COL14A1: variants seen among roughly 807,000 people sequenced by gnomAD.
COL14A1 encodes the protein collagen type XIV alpha 1 chain, also known as collagen alpha-1(XIV) chain.
COL14A1 carries 136 observed loss-of-function variants against 230.3 expected under a neutral mutation model. That is an observed-to-expected ratio of 0.59 (90% CI 0.51 to 0.68). The LOEUF is 0.68. Among genes scored for constraint, COL14A1 ranks in the 30% least tolerant of loss-of-function variants. The probability of loss-of-function intolerance (pLI) is 0.00; values close to 1 mark genes in which losing one functional copy is unlikely to be tolerated. For missense variants in COL14A1, 1,976 were observed against 2,215.8 expected (o/e 0.89, Z 2.17); for synonymous variants, 792 against 784.1 (o/e 1.01, Z -0.17).
intron 15 of COL14A1, 34 bp downstream of exon 15, chr8:120,225,248 A>G (rs1215432939): frequency 6.2e-7 from 1 of 1,602,968 alleles, no homozygotes; most frequent in Non-Finnish European, 8.5e-7. Context: ...AAAAGTTTTG[A>G]GAGTAGCTAT....
chr8:120,225,106 A>G lies in COL14A1; in HGVS notation c.1756A>G (p.Thr586Ala), dbSNP rs61753753. 1.6e-3 allele frequency: 2,538 copies of G among 1,611,942 alleles called. 6 individuals carry two copies. Among genetic ancestry groups the G allele is most frequent in the Middle Eastern group, 5.1e-3 (31 of 6,046 alleles). The change falls in exon 15 of 48, where the codon ACT (threonine) becomes GCT (alanine). Residue 586 changes from threonine to alanine, a missense_variant. By Grantham distance (58) the Thr-to-Ala change is moderately conservative. Around this residue, in one of 3 missense-constraint regions of COL14A1, gnomAD observed 1,791 missense variants for 2,019.5 expected, o/e 0.89. Coordinates refer to ENST00000297848, the MANE Select transcript of COL14A1 (RefSeq NM_021110.4). ...TTGACAGGTTGAAGTCGATCCTATT[A>G]CTACCTTCCCTCTGAAGGGCTTGAC... Reference protein sequence around the residue: ...EINEVEVDPITTFPLKGLTPL... With the variant: ...EINEVEVDPIATFPLKGLTPL...
At chr8:120,230,617 T>C (rs1472942166) in intron 18 of COL14A1, among the ~76,000 whole-genome samples, 2 of 152,138 alleles carry the variant, frequency 1.3e-5, no homozygotes, top group Non-Finnish European at 2.9e-5. Flanking sequence ...CATTGCCTGG[T>C]AGCCCCCCTG....
intron 42 of COL14A1, among the ~76,000 whole-genome samples, chr8:120,334,668 C>T (rs2130230499): frequency 6.6e-6 from 1 of 151,452 alleles, no homozygotes; most frequent in South Asian, 2.1e-4. Flanking sequence ...TGATTCTAAG[C>T]TGTTTCATAC....
At chr8:120,242,953 C>G (rs1306802950) in intron 19 of COL14A1, among the ~76,000 whole-genome samples, 1 of 152,158 alleles carries the variant, frequency 6.6e-6, no homozygotes, top group Non-Finnish European at 1.5e-5. Context: ...GCACTTGAAT[C>G]GAAAAGTAAC....
Position 120,217,416 on chromosome 8 carries a change from C to T in COL14A1, c.1737+926C>T, listed in dbSNP as rs531262839. 2.6e-5 allele frequency among the ~76,000 whole-genome samples: 4 copies of T among 152,166 alleles called. No individual in the cohort carries two copies. In the South Asian group the frequency reaches 6.2e-4, roughly 24 times the overall value. On this transcript the variant is annotated intron_variant, in intron 14 of 47. Transcript: ENST00000297848. ...CGAGGTTATTTTTATTTTATTTTCC[C>T]TTATCTTGGTCCAGTAAGCTAAGGC...
At chr8:120,268,277 A>G (rs1819558217) in intron 25 of COL14A1, among the ~76,000 whole-genome samples, 1 of 151,700 alleles carries the variant, frequency 6.6e-6, no homozygotes, top group Admixed American at 6.6e-5. Flanking sequence ...CCAGCTTCAT[A>G]TCTAGCCTTC....
At position 120,173,648 on chromosome 8, in the gene COL14A1, CTCTATCTATCTA is replaced by C. The variant is rs59734398; in HGVS notation, c.436+5439_436+5450del. 2.0e-3 allele frequency among the ~76,000 whole-genome samples: 295 copies of C among 146,362 alleles called. 1 individual carries two copies. Among genetic ancestry groups the C allele is most frequent in the African/African-American group, 4.3e-3 (172 of 39,736 alleles). Reference sequence around the variant, plus strand: ...CATCTATCATCTTTGTATTATCTGTCTCTATCTATCTATCTATCTATCTATCTATCTATCTAT... The same window carrying C: ...CATCTATCATCTTTGTATTATCTGTCTCTATCTATCTATCTATCTATCTAT... On this transcript the variant is annotated intron_variant, in intron 5 of 47. Coordinates refer to ENST00000297848, the MANE Select transcript of COL14A1 (RefSeq NM_021110.4).
chr8:120,341,899 T>C (rs753961781), intron 43 of COL14A1, among the ~76,000 whole-genome samples: 1 of 152,180 alleles, frequency 6.6e-6, no homozygotes, highest in Non-Finnish European at 1.5e-5. Context: ...AATTGTGCCA[T>C]TGGCTATAGC....
intron 14 of COL14A1, among the ~76,000 whole-genome samples, chr8:120,219,457 A>G (rs1817861125): frequency 6.6e-6 from 1 of 152,202 alleles, no homozygotes; most frequent in Non-Finnish European, 1.5e-5. Context: ...GAAGCTGAGA[A>G]GTCTAAGATC....
At chr8:120,136,400 A>AT (rs71306865) in intron 1 of COL14A1, among the ~76,000 whole-genome samples, 28 of 150,642 alleles carry the variant, frequency 1.9e-4, no homozygotes, top group Non-Finnish European at 3.1e-4. Flanking sequence ...ATATATATAT[A>AT]AAATCTCATG....
chr8:120,236,835 T>G (rs2130832853), intron 19 of COL14A1, among the ~76,000 whole-genome samples: 1 of 152,312 alleles, frequency 6.6e-6, no homozygotes, highest in Admixed American at 6.5e-5. Flanking sequence ...TCCCTCAGCA[T>G]TTGCTTGTCT....
rs1353326481 is a variant in COL14A1 at position 120,190,271 on chromosome 8, C to T, written c.437-6520C>T. On this transcript the variant is annotated intron_variant, in intron 5 of 47. Coordinates refer to ENST00000297848, the MANE Select transcript of COL14A1 (RefSeq NM_021110.4). The stretch of plus-strand genomic sequence containing the variant: ...CATTTTTTCATGTGGTTTTTGGCTG[C>T]ATAAATGTCTTCTTTTGAGAAGTGT... 3.3e-5 allele frequency among the ~76,000 whole-genome samples: 5 copies of T among 152,192 alleles called. No homozygotes were observed. In the East Asian group the frequency reaches 9.6e-4, roughly 29 times the overall value.
chr8:120,206,339 ATGTT>A lies in COL14A1; in HGVS notation c.1040-582_1040-579del, dbSNP rs371004309. ...CTTTTGATACACACATGCTTAGTTAATGTTTGTTTGTTTGTTTGTTTGTTTTTTG... is the reference window on the plus strand; with the variant it reads ...CTTTTGATACACACATGCTTAGTTAATGTTTGTTTGTTTGTTTGTTTTTTG... On this transcript the variant is annotated intron_variant, in intron 9 of 47. Coordinates refer to ENST00000297848, the MANE Select transcript of COL14A1 (RefSeq NM_021110.4). Among the ~76,000 whole-genome samples the A allele has an allele frequency of 8.9e-4, 135 of 152,096 alleles. 1 individual carries two copies. The highest frequency in any genetic ancestry group is 3.0e-3 in the African/African-American group (126 of 41,446).
At chr8:120,133,593 C>G (rs1025060376) in intron 1 of COL14A1, among the ~76,000 whole-genome samples, 12 of 152,066 alleles carry the variant, frequency 7.9e-5, no homozygotes, top group Non-Finnish European at 1.2e-4. Context: ...ATTAATAGCT[C>G]AATAAAGTTT....
rs566194812 is a variant in COL14A1 at position 120,299,546 on chromosome 8, A to G, written c.4315-1186A>G. Among the ~76,000 whole-genome samples, 4 of 152,110 alleles carry G rather than the reference A, an allele frequency of 2.6e-5. No homozygotes were observed. The East Asian group carries it at 5.8e-4, about 22-fold the overall frequency. On this transcript the variant is annotated intron_variant, in intron 35 of 47. Transcript: ENST00000297848. The stretch of plus-strand genomic sequence containing the variant: ...GTCTCATTTAAGAGGCGTAAATTCC[A>G]TAGTAAAAAGACACCGTGCAGTAAC...
intron 29 of COL14A1, 60 bp downstream of exon 29, chr8:120,280,159 G>GT: frequency 2.6e-6 from 4 of 1,552,876 alleles, no homozygotes; most frequent in Non-Finnish European, 3.5e-6. Flanking sequence ...ATTTGACACT[G>GT]GTTAAATAGT....
chr8:120,199,952 G>A (rs572526068), intron 8 of COL14A1, among the ~76,000 whole-genome samples: 2 of 122,370 alleles, frequency 1.6e-5, no homozygotes, highest in South Asian at 2.6e-4. Flanking sequence ...AAGGAAATAC[G>A]ATCCTGCAAC....
chr8:120,203,627 C>G, intron 8 of COL14A1, 82 bp from the exon 9 acceptor site: 1 of 1,311,124 alleles, frequency 7.6e-7, no homozygotes, highest in South Asian at 1.5e-5. Context: ...GATTGACTGA[C>G]TGGGTCAGAT....
intron 44 of COL14A1, among the ~76,000 whole-genome samples, chr8:120,344,522 C>A (rs536638795): frequency 6.6e-6 from 1 of 152,200 alleles, no homozygotes; most frequent in Non-Finnish European, 1.5e-5. Flanking sequence ...CAACAATGGA[C>A]GTGCCTACTA....
Sources: gnomAD v4.1 joint callset for allele counts (sites outside exome capture counted in the v4.1 genomes callset) on GRCh38, gnomAD v4.1.1 for gene constraint, gnomAD v4.1.1 regional missense constraint, MANE v1.5 for transcripts, NCBI Gene and HGNC (gene_info 2026-07-23, HGNC 2026-07-21) for gene names.